The following ZMYM5 variants were observed in gnomAD, a reference collection of about 807,000 sequenced individuals.
ZMYM5 encodes the protein zinc finger MYM-type protein 5.
ZMYM5 carries 41 observed loss-of-function variants against 61.8 expected under a neutral mutation model. That is an observed-to-expected ratio of 0.66 (90% CI 0.52 to 0.86). The LOEUF (loss-of-function observed/expected upper bound fraction) is 0.86. ZMYM5 is among the 40% of genes least tolerant of loss of function. The probability of loss-of-function intolerance (pLI) is 0.00; values close to 1 mark genes in which losing one functional copy is unlikely to be tolerated. For synonymous variants in ZMYM5, 257 were observed against 276.4 expected, an observed-to-expected ratio of 0.93 and a Z score of 0.70; for missense variants, 706 against 786.7, an observed-to-expected ratio of 0.90 and a Z score of 1.23.
intron 2 of ZMYM5, among the ~76,000 whole-genome samples, chr13:19,857,008 A>C (rs1217789404): frequency 6.6e-6 from 1 of 152,104 alleles, no homozygotes; most frequent in Non-Finnish European, 1.5e-5. Flanking sequence ...CGGGAGGCTG[A>C]GGCAGGAGAA....
intron 4 of ZMYM5, among the ~76,000 whole-genome samples, chr13:19,846,831 G>A (rs1264331935): frequency 6.6e-6 from 1 of 151,972 alleles, no homozygotes; most frequent in East Asian, 1.9e-4. Context: ...GGAGGCTGAG[G>A]TGGGAGGATA....
At chr13:19,834,876 A>AG in intron 7 of ZMYM5, among the ~76,000 whole-genome samples, 1 of 151,970 alleles carries the variant, frequency 6.6e-6, no homozygotes. Flanking sequence ...TTTAGTAGAC[A>AG]GGGGGTTTTG....
intron 4 of ZMYM5, among the ~76,000 whole-genome samples, chr13:19,850,427 C>T (rs1953246156): frequency 6.6e-6 from 1 of 152,028 alleles, no homozygotes; most frequent in Non-Finnish European, 1.5e-5. Flanking sequence ...TGGAGAAACC[C>T]TGTCTCTACT....
At chr13:19,830,102 C>T (rs1891126855) in intron 7 of ZMYM5, among the ~76,000 whole-genome samples, 2 of 152,108 alleles carry the variant, frequency 1.3e-5, no homozygotes, top group Admixed American at 6.5e-5. Flanking sequence ...CTAGACATTG[C>T]CAAATGTCCC....
chr13:19,831,607 C>T (rs1891219519), intron 7 of ZMYM5, among the ~76,000 whole-genome samples: 1 of 151,356 alleles, frequency 6.6e-6, no homozygotes, highest in African/African-American at 2.4e-5. Context: ...ACCAGTCTGG[C>T]CAACATGGTG....
chr13:19,827,397 G>C (rs1306371402), intron 7 of ZMYM5, among the ~76,000 whole-genome samples: 2 of 152,030 alleles, frequency 1.3e-5, no homozygotes, highest in African/African-American at 2.4e-5. Context: ...TAAATACTTA[G>C]GGATTTAAAG....
chr13:19,854,912 C>T (rs1046817718), intron 2 of ZMYM5, among the ~76,000 whole-genome samples: 2 of 152,108 alleles, frequency 1.3e-5, no homozygotes, highest in African/African-American at 2.4e-5. Context: ...ATATGCAATG[C>T]ATGTGGAAAA....
At chr13:19,858,082 A>G (rs977563738) in intron 2 of ZMYM5, among the ~76,000 whole-genome samples, 2 of 151,442 alleles carry the variant, frequency 1.3e-5, no homozygotes, top group Admixed American at 1.3e-4. Flanking sequence ...TGTAATCCCC[A>G]GCTACTTGGG....
In ZMYM5 at chr13:19,824,568, G is replaced by C; in HGVS notation, c.1919C>G (p.Ser640Cys). 4.6e-6 allele frequency: 6 copies of C among 1,316,384 alleles called. No individual in the cohort carries two copies. Among genetic ancestry groups the C allele is most frequent in the Non-Finnish European group, 6.0e-6 (6 of 998,610 alleles). The allele number at this position is 1,316,384 out of a possible 1,614,324, so 81.5% of individuals were successfully genotyped here. Residue 640 changes from serine (S) to cysteine (C), a missense_variant, in exon 8 of 8, where the codon TCT becomes TGT. Around this residue, in one of 2 missense-constraint regions of ZMYM5, gnomAD observed 226 missense variants for 325.0 expected, o/e 0.70. Coordinates refer to ENST00000337963, the MANE Select transcript of ZMYM5 (RefSeq NM_001142684.2). ...NNSVKYSKLK[S>C]DLKKNKAIDA... is the part of the protein sequence containing the mutation. ...AATAGCTTTATTTTTTTTCAGATCA[G>C]ATTTTAATTTTGAGTACTTAACACT...
Position 19,851,888 on chromosome 13 carries a change from A to T in ZMYM5, c.293T>A (p.Val98Glu). ...KNEKPQGNYS[V>E]IPPSSRDLAS... ...CAAATCTCTTGAAGAAGGAGGAATTACAGAATAATTTCCTTGAGGCTTTTC... is the reference window on the plus strand; with the variant it reads ...CAAATCTCTTGAAGAAGGAGGAATTTCAGAATAATTTCCTTGAGGCTTTTC... Residue 98 changes from valine to glutamate, a missense_variant, in exon 3 of 8, where the codon GTA becomes GAA. By Grantham distance (121) the Val-to-Glu change is moderately radical. Transcript: ENST00000337963. 6.2e-7 allele frequency: 1 copy of T among 1,612,396 alleles called. No individual in the cohort carries two copies. The highest frequency in any genetic ancestry group is 1.3e-5 in the African/African-American group (1 of 74,856).
intron 7 of ZMYM5, among the ~76,000 whole-genome samples, chr13:19,828,933 T>C (rs1891063880): frequency 6.6e-6 from 1 of 151,798 alleles, no homozygotes; most frequent in South Asian, 2.1e-4. Flanking sequence ...CCCCTAAGAG[T>C]ATAATGGAGC....
intron 6 of ZMYM5, chr13:19,837,354 CTT>C: frequency 7.9e-6 from 10 of 1,263,290 alleles, no homozygotes; most frequent in South Asian, 1.7e-5. Flanking sequence ...ACCCCCAACT[CTT>C]GAGACTACAT....
intron 4 of ZMYM5, among the ~76,000 whole-genome samples, chr13:19,847,458 C>T (rs1953113586): frequency 1.3e-5 from 2 of 152,202 alleles, no homozygotes; most frequent in South Asian, 2.1e-4. Flanking sequence ...AGACTCAATA[C>T]AGAAATACAT....
At position 19,860,235 on chromosome 13, in the gene ZMYM5, C is replaced by T. The variant is rs192936319; in HGVS notation, c.-11+2164G>A. The stretch of plus-strand genomic sequence containing the variant: ...CCGCCTCCTGGGTTCAAGTGATTCT[C>T]CTGGCTCAGCCTCCTGAGTAGTTGG... On this transcript the variant is annotated intron_variant, in intron 2 of 7. Coordinates refer to ENST00000337963, the MANE Select transcript of ZMYM5 (RefSeq NM_001142684.2). 8.1e-4 allele frequency among the ~76,000 whole-genome samples: 122 copies of T among 150,910 alleles called. 1 individual carries two copies. Among genetic ancestry groups the T allele is most frequent in the African/African-American group, 2.8e-3 (114 of 41,274 alleles).
chr13:19,827,704 TA>T (rs954502164), intron 7 of ZMYM5, among the ~76,000 whole-genome samples: 87 of 152,000 alleles, frequency 5.7e-4, no homozygotes, highest in African/African-American at 2.1e-3. Context: ...AAAATTATAA[TA>T]AAAAAACTAA....
intron 1 of ZMYM5, among the ~76,000 whole-genome samples, chr13:19,863,138 T>A (rs1030365883): frequency 2.7e-5 from 4 of 150,094 alleles, no homozygotes; most frequent in African/African-American, 7.4e-5. Context: ...CCCGCCACTA[T>A]GCGGCAGGAG....
chr13:19,860,885 G>C lies in ZMYM5; in HGVS notation c.-11+1514C>G, dbSNP rs111658003. Among the ~76,000 whole-genome samples, 61 of 129,382 alleles carry C rather than the reference G, an allele frequency of 4.7e-4. 1 individual carries two copies. In the East Asian group the frequency reaches 9.0e-3, roughly 19 times the overall value. The allele number at this position is 129,382 out of a possible 152,430, so 84.9% of individuals were successfully genotyped here. The stretch of plus-strand genomic sequence containing the variant: ...AGAGGATAAGGATTATATCTCAGGT[G>C]GGGGGGGGGGAATTGTATCTCCCAC... On this transcript the variant is annotated intron_variant, in intron 2 of 7. Coordinates refer to ENST00000337963, the MANE Select transcript of ZMYM5 (RefSeq NM_001142684.2).
At chr13:19,834,110 G>A (rs1306419745) in intron 7 of ZMYM5, among the ~76,000 whole-genome samples, 2 of 152,174 alleles carry the variant, frequency 1.3e-5, no homozygotes, top group Admixed American at 6.6e-5. Flanking sequence ...CAGAGTAGCT[G>A]GGATTACAGG....
intron 2 of ZMYM5, among the ~76,000 whole-genome samples, chr13:19,855,294 G>C (rs988384811): frequency 4.6e-5 from 7 of 150,738 alleles, no homozygotes; most frequent in Admixed American, 2.0e-4. Flanking sequence ...ATGGAGTCTC[G>C]CTCTGTCGCC....
Sources: gnomAD v4.1 joint callset for allele counts (sites outside exome capture counted in the v4.1 genomes callset) on GRCh38, gnomAD v4.1.1 for gene constraint, gnomAD v4.1.1 regional missense constraint, MANE v1.5 for transcripts, NCBI Gene and HGNC (gene_info 2026-07-23, HGNC 2026-07-21) for gene names.